The following CA10 variants were observed in gnomAD, a reference collection of about 807,000 sequenced individuals.
The protein encoded by CA10 is carbonic anhydrase-related protein 10.
In CA10, 14 loss-of-function variants were observed where a neutral mutation model predicts 44.2. The observed-to-expected ratio is 0.32, with a 90% confidence interval of 0.21 to 0.50. The LOEUF is 0.50. Among genes scored for constraint, CA10 ranks in the 20% least tolerant of loss-of-function variants. CA10 has a pLI of 0.99. For missense variants in CA10, 350 were observed against 409.7 expected, an observed-to-expected ratio of 0.85 and a Z score of 1.26; for synonymous variants, 159 against 141.6, an observed-to-expected ratio of 1.12 and a Z score of -0.87.
At chr17:52,128,550 T>C (rs1457930557) in intron 1 of CA10, among the ~76,000 whole-genome samples, 1 of 152,198 alleles carries the variant, frequency 6.6e-6, no homozygotes, top group Non-Finnish European at 1.5e-5. Context: ...CTTCTAATCC[T>C]ATCTCTACCA....
chr17:51,715,293 C>T (rs912352318), intron 4 of CA10, among the ~76,000 whole-genome samples: 1 of 151,804 alleles, frequency 6.6e-6, no homozygotes, highest in Non-Finnish European at 1.5e-5. Context: ...GTGCAGCACA[C>T]CAACATGGCA....
chr17:51,859,216 C>G (rs1979192205), intron 3 of CA10, among the ~76,000 whole-genome samples: 1 of 152,030 alleles, frequency 6.6e-6, no homozygotes, highest in African/African-American at 2.4e-5. Flanking sequence ...CAAATCCATA[C>G]AAGAAAGTGT....
At chr17:51,871,272 C>T (rs1979797063) in intron 3 of CA10, among the ~76,000 whole-genome samples, 1 of 151,334 alleles carries the variant, frequency 6.6e-6, no homozygotes, top group Non-Finnish European at 1.5e-5. Context: ...GCTCTTGTTG[C>T]CCAGGCTGGA....
chr17:51,935,323 G>T (rs1982823796), intron 2 of CA10, among the ~76,000 whole-genome samples: 1 of 152,022 alleles, frequency 6.6e-6, no homozygotes, highest in Non-Finnish European at 1.5e-5. Flanking sequence ...CCATTATTAT[G>T]GCTTATTAGC....
At chr17:51,928,085 A>G (rs531576555) in intron 3 of CA10, among the ~76,000 whole-genome samples, 1 of 152,138 alleles carries the variant, frequency 6.6e-6, no homozygotes. Context: ...AAGTGCTTCA[A>G]ATTTTACTAA....
chr17:51,764,476 C>A (rs1905299457), intron 3 of CA10, among the ~76,000 whole-genome samples: 1 of 152,168 alleles, frequency 6.6e-6, no homozygotes, highest in Admixed American at 6.5e-5. Context: ...ATCCCCAGTC[C>A]CTGACACAGG....
intron 2 of CA10, among the ~76,000 whole-genome samples, chr17:51,999,491 T>C (rs1185989041): frequency 6.6e-6 from 1 of 151,938 alleles, no homozygotes; most frequent in Non-Finnish European, 1.5e-5. Context: ...GCAAGATTGG[T>C]GTTGAGTATG....
At chr17:52,022,662 C>CA (rs139763745) in intron 2 of CA10, among the ~76,000 whole-genome samples, 4,851 of 152,082 alleles carry the variant, frequency 0.032, 264 homozygotes, top group African/African-American at 0.11. Context: ...GAAAAAAAGT[C>CA]AAATTATCTT....
intron 3 of CA10, among the ~76,000 whole-genome samples, chr17:51,898,368 T>C (rs1981164126): frequency 6.6e-6 from 1 of 152,176 alleles, no homozygotes; most frequent in Non-Finnish European, 1.5e-5. Flanking sequence ...GATTTGCCTA[T>C]GTTGAACCAA....
intron 3 of CA10, among the ~76,000 whole-genome samples, chr17:51,835,239 G>A (rs752434758): frequency 2.0e-5 from 3 of 152,280 alleles, no homozygotes; most frequent in East Asian, 3.9e-4. Context: ...CACAGAGAGC[G>A]ATACATGCTG....
chr17:51,732,346 ATTCT>A (rs898730658), intron 4 of CA10, among the ~76,000 whole-genome samples: 20 of 152,188 alleles, frequency 1.3e-4, no homozygotes, highest in Non-Finnish European at 2.5e-4. Flanking sequence ...GCTTATAGTT[ATTCT>A]TTCTATTAAT....
intron 2 of CA10, among the ~76,000 whole-genome samples, chr17:51,973,768 T>A (rs567452493): frequency 6.6e-6 from 1 of 152,306 alleles, no homozygotes; most frequent in East Asian, 1.9e-4. Flanking sequence ...GACAATGCTT[T>A]TTAAAGAAAG....
rs150628692 is a variant in CA10, at chr17:52,130,525, C to A, written c.61+27201G>T. ...ACACCATGTATAAACCTAGAGAACA[C>A]TACATTAATTGAAATAAGTCAGAAA... On this transcript the variant is annotated intron_variant, in intron 1 of 8. Transcript: ENST00000451037. Among the ~76,000 whole-genome samples, 247 of 152,222 alleles carry A rather than the reference C, an allele frequency of 1.6e-3. 2 individuals carry two copies. The highest frequency in any genetic ancestry group is 5.7e-3 in the African/African-American group (238 of 41,536).
chr17:52,147,788 T>G (rs1246197402), intron 1 of CA10, among the ~76,000 whole-genome samples: 2 of 152,234 alleles, frequency 1.3e-5, no homozygotes, highest in African/African-American at 4.8e-5. Flanking sequence ...AATAGAAACT[T>G]GATACTCACC....
In CA10 at chr17:51,814,958, G is replaced by A. The variant is rs2143747720; in HGVS notation, c.280-67140C>T. On this transcript the variant is annotated intron_variant, in intron 3 of 8. Coordinates refer to ENST00000451037, the MANE Select transcript of CA10 (RefSeq NM_020178.5). ...TAAACATCCGGCCAAAGGTACAGGG[G>A]TGGGAGTTCAGGGAAAGGTGTAGTG... Among the ~76,000 whole-genome samples, 3 of 152,296 alleles carry A rather than the reference G, an allele frequency of 2.0e-5. No individual in the cohort carries two copies. The South Asian group carries it at 6.2e-4, about 32-fold the overall frequency.
At chr17:51,841,200 C>T (rs982168039) in intron 3 of CA10, among the ~76,000 whole-genome samples, 4 of 152,184 alleles carry the variant, frequency 2.6e-5, no homozygotes, top group Non-Finnish European at 4.4e-5. Context: ...TCCCACACCA[C>T]CCTTAAGCCT....
intron 1 of CA10, among the ~76,000 whole-genome samples, chr17:52,077,049 T>C (rs1022048634): frequency 3.3e-5 from 5 of 152,238 alleles, no homozygotes; most frequent in Non-Finnish European, 5.9e-5. Context: ...AGGAAAAATC[T>C]ATTTCAGTTT....
intron 3 of CA10, among the ~76,000 whole-genome samples, chr17:51,805,002 T>C (rs1356296698): frequency 1.3e-5 from 2 of 152,188 alleles, no homozygotes; most frequent in Non-Finnish European, 2.9e-5. Flanking sequence ...GGCTCCTCTG[T>C]GGGGCACCTG....
intron 3 of CA10, among the ~76,000 whole-genome samples, chr17:51,888,512 T>C (rs1412063721): frequency 2.0e-5 from 3 of 152,244 alleles, no homozygotes; most frequent in African/African-American, 7.2e-5. Flanking sequence ...AAATTGTCTT[T>C]TCTTCCTTCA....
Sources: gnomAD v4.1 joint callset for allele counts (sites outside exome capture counted in the v4.1 genomes callset) on GRCh38, gnomAD v4.1.1 for gene constraint, MANE v1.5 for transcripts, NCBI Gene and HGNC (gene_info 2026-07-23, HGNC 2026-07-21) for gene names.